EYA4: variants seen among roughly 807,000 people sequenced by gnomAD.
The protein encoded by EYA4 is protein phosphatase EYA4.
Under a neutral mutation model 87.9 loss-of-function variants are expected in EYA4, and 31 were observed. The observed-to-expected ratio is 0.35, with a 90% CI of 0.27 to 0.48. The LOEUF (loss-of-function observed/expected upper bound fraction) is 0.48, where lower values mean the gene tolerates loss of function less well. EYA4 is among the 20% of genes least tolerant of loss of function. EYA4 has a pLI of 0.99. For missense variants in EYA4, 678 were observed against 761.4 expected, an observed-to-expected ratio of 0.89 and a Z score of 1.29; for synonymous variants, 263 against 270.6, an observed-to-expected ratio of 0.97 and a Z score of 0.28.
chr6:133,303,830 C>T (rs917644830), intron 2 of EYA4, among the ~76,000 whole-genome samples: 12 of 152,260 alleles, frequency 7.9e-5, no homozygotes, highest in Admixed American at 2.6e-4. Flanking sequence ...TCTCATGTGC[C>T]ATGGTTCCGT....
intron 2 of EYA4, among the ~76,000 whole-genome samples, chr6:133,275,168 G>T (rs986057991): frequency 3.3e-5 from 5 of 152,136 alleles, no homozygotes; most frequent in African/African-American, 1.2e-4. Context: ...AAGTATAAAA[G>T]GAGAAAGTAT....
chr6:133,276,901 C>CAAAA (rs3065337), intron 2 of EYA4, among the ~76,000 whole-genome samples: 1 of 133,690 alleles, frequency 7.5e-6, no homozygotes, highest in Non-Finnish European at 1.6e-5. Context: ...ATAGAAATGT[C>CAAAA]AAAAAAAAAA....
At chr6:133,303,191 G>C (rs1165446158) in intron 2 of EYA4, among the ~76,000 whole-genome samples, 1 of 152,160 alleles carries the variant, frequency 6.6e-6, no homozygotes, top group African/African-American at 2.4e-5. Context: ...GGTTCTAGTA[G>C]ATGCTTCTTT....
chr6:133,371,298 C>T (rs1371162880), intron 2 of EYA4, among the ~76,000 whole-genome samples: 1 of 152,094 alleles, frequency 6.6e-6, no homozygotes, highest in Non-Finnish European at 1.5e-5. Flanking sequence ...TAGATTATCC[C>T]AGCCAATAAG....
chr6:133,280,964 A>G (rs1243165843), intron 2 of EYA4, among the ~76,000 whole-genome samples: 1 of 152,196 alleles, frequency 6.6e-6, no homozygotes, highest in Admixed American at 6.5e-5. Context: ...AAATTGAGTC[A>G]TACAATATGA....
chr6:133,399,991 A>G (rs190181756), intron 3 of EYA4, among the ~76,000 whole-genome samples: 57 of 152,292 alleles, frequency 3.7e-4, no homozygotes, highest in Middle Eastern at 3.4e-3. Flanking sequence ...ATTTCATACT[A>G]TTTATAGGGT....
At chr6:133,496,576 C>T (rs1037678135) in intron 13 of EYA4, among the ~76,000 whole-genome samples, 3 of 152,152 alleles carry the variant, frequency 2.0e-5, no homozygotes, top group Admixed American at 6.5e-5. Flanking sequence ...GGAAGGCAGT[C>T]GACTAGCTGA....
Position 133,529,766 on chromosome 6 carries a change from C to G in EYA4, c.*961C>G, listed in dbSNP as rs1425793521. The G allele has an allele frequency of 1.0e-6, 1 of 984,922 alleles. No homozygotes were observed. Among genetic ancestry groups the G allele is most frequent in the African/African-American group, 1.7e-5 (1 of 57,206 alleles). The allele number at this position is 984,922 out of a possible 1,614,324, so 61.0% of individuals were successfully genotyped here. A position where few individuals can be genotyped will look rare whatever the true frequency, so the allele number is the denominator to read the frequency against. ...TTTGGGAAAGACTGTGGGACCTTTA[C>G]TTAGAAAGTGAAATGTATGTAGAAG... On this transcript the variant is annotated 3_prime_UTR_variant, in exon 20 of 20. Transcript: ENST00000355286.
chr6:133,517,475 A>C (rs1799697393), intron 17 of EYA4, among the ~76,000 whole-genome samples: 1 of 152,188 alleles, frequency 6.6e-6, no homozygotes, highest in Non-Finnish European at 1.5e-5. Context: ...GGAACACAGC[A>C]TTCAGAGAAA....
At chr6:133,449,204 C>G (rs1202004306) in intron 5 of EYA4, among the ~76,000 whole-genome samples, 1 of 152,168 alleles carries the variant, frequency 6.6e-6, no homozygotes, top group Non-Finnish European at 1.5e-5. Context: ...TTCAGCTGCT[C>G]AGCTCTGCCA....
intron 2 of EYA4, among the ~76,000 whole-genome samples, chr6:133,336,135 A>G (rs1427859294): frequency 6.6e-6 from 1 of 152,142 alleles, no homozygotes; most frequent in Admixed American, 6.6e-5. Flanking sequence ...GCAGTTCCCA[A>G]TAGGATAACT....
intron 17 of EYA4, among the ~76,000 whole-genome samples, chr6:133,518,426 G>C (rs918701891): frequency 1.3e-5 from 2 of 152,058 alleles, no homozygotes; most frequent in Non-Finnish European, 2.9e-5. Context: ...TACAATTGCA[G>C]TTTTGCCATT....
At chr6:133,451,843 A>G (rs539654503) in intron 5 of EYA4, among the ~76,000 whole-genome samples, 25 of 152,340 alleles carry the variant, frequency 1.6e-4, no homozygotes, top group African/African-American at 5.8e-4. Flanking sequence ...TTTGAAATCG[A>G]TATAGAAAAG....
intron 2 of EYA4, among the ~76,000 whole-genome samples, chr6:133,323,302 T>C (rs932999605): frequency 6.6e-6 from 1 of 152,084 alleles, no homozygotes; most frequent in African/African-American, 2.4e-5. Flanking sequence ...AGCAAGTAAT[T>C]AAGACATTAA....
In EYA4 at chr6:133,325,683, C is replaced by A. The variant is rs555524491; in HGVS notation, c.33+50870C>A. Among the ~76,000 whole-genome samples, 10 of 152,212 alleles carry A rather than the reference C, an allele frequency of 6.6e-5. No individual in the cohort carries two copies. The East Asian group carries it at 1.9e-3, about 29-fold the overall frequency. The stretch of plus-strand genomic sequence containing the variant: ...ATGTATAAATCTGCATCTGGAAAGA[C>A]TGATATTTCTCTAAGGCAGGGGTCA... On this transcript the variant is annotated intron_variant, in intron 2 of 19. Transcript: ENST00000355286.
At chr6:133,517,607 C>T (rs564648222) in intron 17 of EYA4, among the ~76,000 whole-genome samples, 11 of 152,070 alleles carry the variant, frequency 7.2e-5, no homozygotes, top group African/African-American at 9.7e-5. Flanking sequence ...GCTTCTGACT[C>T]GTGGCACAGG....
In EYA4 at chr6:133,363,717, C is replaced by T. The variant is rs544094723; in HGVS notation, c.34-18675C>T. ...GTCTGGATCTTCTGACCTCATGATCCGCCCGCCTTGGCCTCCCAAAGTGCT... is the reference window on the plus strand; with the variant it reads ...GTCTGGATCTTCTGACCTCATGATCTGCCCGCCTTGGCCTCCCAAAGTGCT... On this transcript the variant is annotated intron_variant, in intron 2 of 19. Coordinates refer to ENST00000355286, the MANE Select transcript of EYA4 (RefSeq NM_004100.5). Among the ~76,000 whole-genome samples, 106 of 152,192 alleles carry T rather than the reference C, an allele frequency of 7.0e-4. 1 individual carries two copies. Among genetic ancestry groups the T allele is most frequent in the Admixed American group, 4.3e-3 (65 of 15,288 alleles).
intron 10 of EYA4, among the ~76,000 whole-genome samples, chr6:133,467,856 T>G (rs1273686810): frequency 1.3e-5 from 2 of 151,984 alleles, no homozygotes; most frequent in Non-Finnish European, 2.9e-5. Context: ...GGATTTTGAA[T>G]CATTTTAAGG....
At chr6:133,269,053 G>T (rs1474257153) in intron 1 of EYA4, among the ~76,000 whole-genome samples, 1 of 152,178 alleles carries the variant, frequency 6.6e-6, no homozygotes, top group Non-Finnish European at 1.5e-5. Flanking sequence ...GAGGCCAGGG[G>T]TTCGAGAGCA....
Sources: gnomAD v4.1 joint callset for allele counts (sites outside exome capture counted in the v4.1 genomes callset) on GRCh38, gnomAD v4.1.1 for gene constraint, MANE v1.5 for transcripts, NCBI Gene and HGNC (gene_info 2026-07-23, HGNC 2026-07-21) for gene names.